The following LSAMP variants were observed in gnomAD, a reference collection of about 807,000 sequenced individuals.
The protein encoded by LSAMP is limbic system-associated membrane protein.
LSAMP carries 7 observed loss-of-function variants against 38.6 expected under a neutral mutation model. The ratio of observed to expected loss-of-function variants is 0.18; its 90% confidence interval spans 0.10 to 0.34. The LOEUF is 0.34. Ranked by LOEUF, LSAMP falls within the 10% of genes least tolerant of loss-of-function variation. The pLI is 1.00. For missense variants in LSAMP, 313 were observed against 420.0 expected, an observed-to-expected ratio of 0.75 and a Z score of 2.23; for synonymous variants, 154 against 166.8, an observed-to-expected ratio of 0.92 and a Z score of 0.59.
chr3:116,173,720 G>C (rs1204098573), intron 1 of LSAMP, among the ~76,000 whole-genome samples: 2 of 151,644 alleles, frequency 1.3e-5, no homozygotes, highest in Non-Finnish European at 2.9e-5. Flanking sequence ...AGATGAGCGA[G>C]AGCATATTTA....
rs186470691 is a variant in LSAMP at position 116,316,343 on chromosome 3, A to T, written c.155+128534T>A. 6.6e-5 allele frequency among the ~76,000 whole-genome samples: 10 copies of T among 152,334 alleles called. No individual in the cohort carries two copies. In the East Asian group the frequency reaches 1.2e-3, roughly 18 times the overall value. Reference sequence around the variant, plus strand: ...GGTATGCCTTTTAGGTTGTTTTAGGAGTTATCATTCATCAAAGTACCCTCC... The same window carrying T: ...GGTATGCCTTTTAGGTTGTTTTAGGTGTTATCATTCATCAAAGTACCCTCC... On this transcript the variant is annotated intron_variant, in intron 1 of 6. Coordinates refer to ENST00000490035, the MANE Select transcript of LSAMP (RefSeq NM_002338.5).
intron 1 of LSAMP, among the ~76,000 whole-genome samples, chr3:116,105,841 T>G (rs1402386902): frequency 1.3e-5 from 2 of 151,880 alleles, no homozygotes; most frequent in African/African-American, 4.8e-5. Context: ...AGTGTTGAAG[T>G]GTTGGGGCGG....
intron 6 of LSAMP, among the ~76,000 whole-genome samples, chr3:115,838,814 A>C (rs1177210276): frequency 6.6e-6 from 1 of 152,218 alleles, no homozygotes; most frequent in Non-Finnish European, 1.5e-5. Flanking sequence ...TATGCATGTG[A>C]CTGCAAGTTT....
chr3:116,334,523 T>C (rs2047893934), intron 1 of LSAMP, among the ~76,000 whole-genome samples: 1 of 152,080 alleles, frequency 6.6e-6, no homozygotes, highest in African/African-American at 2.4e-5. Flanking sequence ...TTTAGCAGCA[T>C]ATTGAAAGGA....
At chr3:116,220,881 G>A (rs575685466) in intron 1 of LSAMP, among the ~76,000 whole-genome samples, 6 of 152,272 alleles carry the variant, frequency 3.9e-5, no homozygotes, top group South Asian at 4.2e-4. Flanking sequence ...GCGGCTGGGC[G>A]CAGTGGCTCA....
At chr3:115,994,336 C>CTA (rs1187056794) in intron 3 of LSAMP, among the ~76,000 whole-genome samples, 3 of 152,010 alleles carry the variant, frequency 2.0e-5, no homozygotes, top group South Asian at 4.2e-4. Context: ...GTCAGTCTCA[C>CTA]TATAGATATG....
chr3:116,387,986 C>A (rs2048646471), intron 1 of LSAMP, among the ~76,000 whole-genome samples: 2 of 151,828 alleles, frequency 1.3e-5, no homozygotes, highest in South Asian at 4.2e-4. Context: ...TGCCTGTAGT[C>A]CCAGCTACTC....
chr3:116,003,987 T>C (rs1940075856), intron 3 of LSAMP, among the ~76,000 whole-genome samples: 1 of 152,164 alleles, frequency 6.6e-6, no homozygotes, highest in African/African-American at 2.4e-5. Context: ...CAGACGTAGT[T>C]AGTTGATGGT....
chr3:116,200,623 G>T (rs76986169), intron 1 of LSAMP, among the ~76,000 whole-genome samples: 2 of 152,158 alleles, frequency 1.3e-5, no homozygotes, highest in African/African-American at 2.4e-5. Flanking sequence ...ACCCAGTTCC[G>T]TTTAAAACCC....
rs1559870740 is a variant in LSAMP at position 116,444,811 on chromosome 3, A to AAAC, written c.155+65_155+66insGTT. 1,165 of 713,604 alleles carry AAAC rather than the reference A, an allele frequency of 1.6e-3. 7 individuals carry two copies. The African/African-American group carries it at 0.027, about 17-fold the overall frequency. 44.2% of individuals were successfully genotyped at this position (713,604 alleles called of 1,614,324 possible). A position where few individuals can be genotyped will look rare whatever the true frequency, so the allele number is the denominator to read the frequency against. On this transcript the variant is annotated intron_variant, in intron 1 of 6. Transcript: ENST00000490035. ...AGACACACACACACACACACACACAAACACACACACACACACACACACACG... is the reference window on the plus strand; with the variant it reads ...AGACACACACACACACACACACACAAAACACACACACACACACACACACACACG...
intron 1 of LSAMP, among the ~76,000 whole-genome samples, chr3:116,169,485 C>T (rs559164690): frequency 1.3e-5 from 2 of 152,278 alleles, no homozygotes; most frequent in East Asian, 3.9e-4. Flanking sequence ...TGCTTCCCTC[C>T]CATTCACATT....
intron 1 of LSAMP, among the ~76,000 whole-genome samples, chr3:116,153,214 C>T (rs1709651871): frequency 6.6e-6 from 1 of 152,094 alleles, no homozygotes; most frequent in Non-Finnish European, 1.5e-5. Context: ...TCATGCTCTA[C>T]TCAAGTTCCT....
At chr3:116,045,235 C>T (rs1002754518) in intron 2 of LSAMP, among the ~76,000 whole-genome samples, 1 of 152,204 alleles carries the variant, frequency 6.6e-6, no homozygotes, top group Non-Finnish European at 1.5e-5. Context: ...TAACTACTTT[C>T]TTCAAGTGCC....
chr3:116,190,380 A>C (rs1301380936), intron 1 of LSAMP, among the ~76,000 whole-genome samples: 2 of 152,150 alleles, frequency 1.3e-5, no homozygotes, highest in African/African-American at 4.8e-5. Context: ...AAAGTGATAG[A>C]GTGCTACACT....
chr3:115,855,873 G>GCTTC (rs1935492978), intron 3 of LSAMP, among the ~76,000 whole-genome samples: 2 of 152,182 alleles, frequency 1.3e-5, no homozygotes, highest in East Asian at 3.9e-4. Flanking sequence ...CTGTTGTCAT[G>GCTTC]CTTCCTTTCC....
chr3:115,976,412 T>C (rs1348179773), intron 3 of LSAMP, among the ~76,000 whole-genome samples: 3 of 152,104 alleles, frequency 2.0e-5, no homozygotes, highest in African/African-American at 7.2e-5. Context: ...AATATATACA[T>C]GACAATAAAC....
rs1435346572 is a variant in LSAMP, at chr3:115,810,198, T to C, written c.*119A>G. 3.1e-6 allele frequency: 2 copies of C among 653,784 alleles called. No individual in the cohort carries two copies. The highest frequency in any genetic ancestry group is 5.2e-6 in the Non-Finnish European group (2 of 382,344). 40.5% of individuals were successfully genotyped at this position (653,784 alleles called of 1,614,324 possible). On this transcript the variant is annotated 3_prime_UTR_variant, in exon 7 of 7. Transcript: ENST00000490035. ...CCCCTTCATGTATAAACACACAAAG[T>C]TGTGAAATAAACGGTCTCCCCCATC...
intron 1 of LSAMP, among the ~76,000 whole-genome samples, chr3:116,160,780 C>T (rs191688552): frequency 1.8e-4 from 27 of 152,270 alleles, no homozygotes; most frequent in African/African-American, 5.1e-4. Flanking sequence ...AACTTCATTG[C>T]ACATAAAGAA....
At chr3:116,145,049 G>A (rs1214831977) in intron 1 of LSAMP, among the ~76,000 whole-genome samples, 3 of 151,768 alleles carry the variant, frequency 2.0e-5, no homozygotes, top group Admixed American at 6.6e-5. Flanking sequence ...AATTTTGTTT[G>A]ATTGATTTTA....
Sources: allele counts gnomAD v4.1 joint callset (sites outside exome capture counted in the v4.1 genomes callset), GRCh38; gene constraint gnomAD v4.1.1; transcripts MANE v1.5; gene names NCBI Gene and HGNC (gene_info 2026-07-23, HGNC 2026-07-21).